GRID2: variants seen among roughly 807,000 people sequenced by gnomAD.
GRID2 encodes glutamate ionotropic receptor delta type subunit 2.
GRID2 carries 33 observed loss-of-function variants against 114.8 expected under a neutral mutation model. The observed-to-expected ratio is 0.29, with a 90% CI of 0.22 to 0.38. The LOEUF (loss-of-function observed/expected upper bound fraction) is 0.38, where lower values mean the gene tolerates loss of function less well. Among genes scored for constraint, GRID2 ranks in the 10% least tolerant of loss-of-function variants. The probability of loss-of-function intolerance (pLI) is 1.00; values close to 1 mark genes in which losing one functional copy is unlikely to be tolerated. For synonymous variants in GRID2, 505 were observed against 449.9 expected (o/e 1.12, Z -1.55); for missense variants, 1,184 against 1,257.7 (o/e 0.94, Z 0.89).
chr4:92,360,598 C>CA (rs1728569552), intron 1 of GRID2, among the ~76,000 whole-genome samples: 1 of 151,984 alleles, frequency 6.6e-6, no homozygotes, highest in African/African-American at 2.4e-5. Context: ...AGTAGAGTCA[C>CA]ATTCCACAGC....
intron 1 of GRID2, among the ~76,000 whole-genome samples, chr4:92,453,075 C>T (rs1341079551): frequency 6.6e-6 from 1 of 151,402 alleles, no homozygotes; most frequent in African/African-American, 2.4e-5. Flanking sequence ...TGTATACATG[C>T]ATTAAATCAT....
At chr4:93,251,252 G>A (rs1748889903) in intron 8 of GRID2, among the ~76,000 whole-genome samples, 1 of 152,114 alleles carries the variant, frequency 6.6e-6, no homozygotes, top group African/African-American at 2.4e-5. Flanking sequence ...TTTAGACCTT[G>A]ATGATGAGTA....
intron 2 of GRID2, among the ~76,000 whole-genome samples, chr4:92,839,643 T>C (rs914629859): frequency 8.6e-5 from 13 of 152,036 alleles, no homozygotes; most frequent in African/African-American, 3.1e-4. Flanking sequence ...AAAATTCCTC[T>C]TGATATTTAC....
At chr4:93,264,424 C>G (rs1270565569) in intron 8 of GRID2, among the ~76,000 whole-genome samples, 1 of 151,918 alleles carries the variant, frequency 6.6e-6, no homozygotes, top group African/African-American at 2.4e-5. Context: ...AAGTTTTAAA[C>G]AATGGCAAAA....
chr4:92,815,728 CATG>C (rs1051215234), intron 2 of GRID2, among the ~76,000 whole-genome samples: 1 of 151,104 alleles, frequency 6.6e-6, no homozygotes, highest in Non-Finnish European at 1.5e-5. Context: ...GCCTGGGCAA[CATG>C]ATGATACTTC....
chr4:92,724,492 A>G (rs537307379), intron 2 of GRID2, among the ~76,000 whole-genome samples: 6 of 152,282 alleles, frequency 3.9e-5, no homozygotes, highest in African/African-American at 7.2e-5. Flanking sequence ...ATCAAAATCT[A>G]TGCTCCTTAA....
At chr4:93,749,054 G>A (rs1212164423) in intron 14 of GRID2, among the ~76,000 whole-genome samples, 3 of 132,964 alleles carry the variant, frequency 2.3e-5, no homozygotes, top group Non-Finnish European at 4.7e-5. Context: ...GCATTAGTAA[G>A]TTAGCAAAAG....
Position 92,497,760 on chromosome 4 carries a change from T to A in GRID2, c.89-92371T>A, listed in dbSNP as rs1380450681. Among the ~76,000 whole-genome samples the A allele has an allele frequency of 2.0e-5, 3 of 151,966 alleles. No individual in the cohort carries two copies. The East Asian group carries it at 5.8e-4, about 29-fold the overall frequency. ...CTTTGCTTCCAGCACATATTTGAAT[T>A]TTCCTATTGACTTCTTTTCCACTGC... On this transcript the variant is annotated intron_variant, in intron 1 of 15. Transcript: ENST00000282020.
At chr4:93,295,954 T>C (rs1431038777) in intron 8 of GRID2, among the ~76,000 whole-genome samples, 1 of 152,212 alleles carries the variant, frequency 6.6e-6, no homozygotes, top group Non-Finnish European at 1.5e-5. Flanking sequence ...CTACAGCAGA[T>C]TTTTATTTTG....
At chr4:93,394,172 A>G (rs1765110870) in intron 8 of GRID2, among the ~76,000 whole-genome samples, 1 of 151,970 alleles carries the variant, frequency 6.6e-6, no homozygotes, top group African/African-American at 2.4e-5. Context: ...TAAAGTTTTA[A>G]ATATGGCAAG....
At chr4:93,633,985 A>G (rs999678452) in intron 14 of GRID2, among the ~76,000 whole-genome samples, 3 of 152,154 alleles carry the variant, frequency 2.0e-5, no homozygotes, top group African/African-American at 4.8e-5. Flanking sequence ...TCAGCTGGTT[A>G]AAAGAATCTC....
At chr4:93,591,826 T>G (rs951261630) in intron 13 of GRID2, among the ~76,000 whole-genome samples, 1 of 152,200 alleles carries the variant, frequency 6.6e-6, no homozygotes, top group Admixed American at 6.5e-5. Flanking sequence ...TCTTCTAGAT[T>G]TTTTAGTTTA....
At chr4:92,608,870 G>A (rs1008493416) in intron 2 of GRID2, among the ~76,000 whole-genome samples, 1 of 151,630 alleles carries the variant, frequency 6.6e-6, no homozygotes, top group South Asian at 2.1e-4. Context: ...TTTGTTAATC[G>A]TTCATTTATT....
chr4:92,605,801 A>G (rs976226429), intron 2 of GRID2, among the ~76,000 whole-genome samples: 2 of 152,050 alleles, frequency 1.3e-5, no homozygotes, highest in Admixed American at 1.3e-4. Flanking sequence ...TTGCTTGTCA[A>G]CCATATTACT....
chr4:93,224,720 G>T lies in GRID2; in HGVS notation c.1070G>T (p.Arg357Ile). ...WHSMASLSCI[R>I]KNSKPWQGGR... Reference sequence around the variant, plus strand: ...AGCATGGCAAGTCTGTCATGTATCAGAAAGAACTCAAAGCCCTGGCAGGGT... The same window carrying T: ...AGCATGGCAAGTCTGTCATGTATCATAAAGAACTCAAAGCCCTGGCAGGGT... Residue 357 changes from arginine to isoleucine, a missense_variant, in exon 7 of 16, where the codon AGA (arginine) becomes ATA (isoleucine). By Grantham distance (97) the Arg-to-Ile change is moderately conservative. Around this residue, in one of 3 missense-constraint regions of GRID2, gnomAD observed 12 missense variants for 31.3 expected, o/e 0.38. Coordinates refer to ENST00000282020, the MANE Select transcript of GRID2 (RefSeq NM_001510.4). 1 of 1,613,120 alleles carries T rather than the reference G, an allele frequency of 6.2e-7. No individual in the cohort carries two copies. The highest frequency in any genetic ancestry group is 8.5e-7 in the Non-Finnish European group (1 of 1,179,400).
intron 11 of GRID2, among the ~76,000 whole-genome samples, chr4:93,458,772 C>G (rs1430870559): frequency 6.6e-6 from 1 of 151,928 alleles, no homozygotes; most frequent in Non-Finnish European, 1.5e-5. Flanking sequence ...AAAGGGATAA[C>G]AAGACAAATG....
intron 1 of GRID2, among the ~76,000 whole-genome samples, chr4:92,412,855 C>A (rs1357986255): frequency 6.6e-6 from 1 of 152,156 alleles, no homozygotes; most frequent in Non-Finnish European, 1.5e-5. Flanking sequence ...CTCCTTTGTT[C>A]ACTAGAACAC....
intron 2 of GRID2, among the ~76,000 whole-genome samples, chr4:92,647,263 CCA>C (rs1443163980): frequency 6.6e-6 from 1 of 152,142 alleles, no homozygotes; most frequent in African/African-American, 2.4e-5. Context: ...ATGGTGTCAA[CCA>C]CACAGTAAAA....
At chr4:93,341,026 A>T (rs987178594) in intron 8 of GRID2, among the ~76,000 whole-genome samples, 1 of 152,178 alleles carries the variant, frequency 6.6e-6, no homozygotes, top group African/African-American at 2.4e-5. Flanking sequence ...AACAATTTTA[A>T]CAGAATCTCA....
Sources: allele counts gnomAD v4.1 joint callset (sites outside exome capture counted in the v4.1 genomes callset), GRCh38; gene constraint gnomAD v4.1.1; regional missense constraint gnomAD v4.1.1; transcripts MANE v1.5; gene names NCBI Gene and HGNC (gene_info 2026-07-23, HGNC 2026-07-21).